ALG9: variants seen among roughly 807,000 people sequenced by gnomAD.
The protein encoded by ALG9 is ALG9 alpha-1,2-mannosyltransferase.
ALG9 carries 55 observed loss-of-function variants against 81.8 expected under a neutral mutation model. That is an observed-to-expected ratio of 0.67 (90% CI 0.54 to 0.84). The LOEUF (loss-of-function observed/expected upper bound fraction) is 0.84. Among genes scored for constraint, ALG9 ranks in the 40% least tolerant of loss-of-function variants. ALG9 has a pLI of 0.00. For missense variants in ALG9, 629 were observed against 745.0 expected (o/e 0.84, Z 1.81); for synonymous variants, 278 against 274.3 (o/e 1.01, Z -0.13).
intron 14 of ALG9, chr11:111,798,152 G>T: frequency 3.8e-6 from 1 of 260,096 alleles, no homozygotes; most frequent in South Asian, 3.4e-5. Flanking sequence ...GCAGTGAACA[G>T]AGATTGTGTC....
downstream of ALG9, among the ~76,000 whole-genome samples, chr11:111,780,141 G>C (rs1431664435): frequency 6.6e-6 from 1 of 152,124 alleles, no homozygotes; most frequent in Admixed American, 6.5e-5. Flanking sequence ...CCTCACACCT[G>C]GAGGAGAGGC....
At position 111,788,264 on chromosome 11, in the gene ALG9, C is replaced by T. The variant is rs372753111; in HGVS notation, c.1734-1744G>A. ...AATGACACTGTGCTTGGCATGCACA[C>T]CTCTTAGAGATTCTTCCCAACTAGG... On this transcript the variant is annotated intron_variant, in intron 14 of 14. Transcript: ENST00000616540. Among the ~76,000 whole-genome samples, 24 of 152,332 alleles carry T rather than the reference C, an allele frequency of 1.6e-4. No homozygotes were observed. In the South Asian group the frequency reaches 4.8e-3, roughly 30 times the overall value.
At chr11:111,835,352 T>C (rs1555116498) in intron 13 of ALG9, among the ~76,000 whole-genome samples, 2 of 152,212 alleles carry the variant, frequency 1.3e-5, no homozygotes, top group African/African-American at 4.8e-5. Flanking sequence ...GTCAAAAGTG[T>C]CATCTTTCAA....
At chr11:111,805,564 T>G (rs757280536) in intron 14 of ALG9, among the ~76,000 whole-genome samples, 25 of 152,222 alleles carry the variant, frequency 1.6e-4, no homozygotes, top group Non-Finnish European at 3.4e-4. Flanking sequence ...ATGAAAAGCC[T>G]ATATGCTGTA....
In ALG9 at chr11:111,787,219, T is replaced by C. The variant is rs544812136; in HGVS notation, c.1734-699A>G. On this transcript the variant is annotated intron_variant, in intron 14 of 14. Coordinates refer to ENST00000616540, the MANE Select transcript of ALG9 (RefSeq NM_024740.2). Reference sequence around the variant, plus strand: ...GCCGAGGCAGGCAGATCATTTGAGGTCAGGAGTTCGAGACCAGCCAGACCA... The same window carrying C: ...GCCGAGGCAGGCAGATCATTTGAGGCCAGGAGTTCGAGACCAGCCAGACCA... 2.6e-5 allele frequency among the ~76,000 whole-genome samples: 4 copies of C among 152,072 alleles called. No individual in the cohort carries two copies. The South Asian group carries it at 8.3e-4, about 32-fold the overall frequency.
intron 13 of ALG9, among the ~76,000 whole-genome samples, chr11:111,816,041 A>AT (rs1362549589): frequency 4.6e-5 from 7 of 152,226 alleles, no homozygotes; most frequent in Non-Finnish European, 1.0e-4. Flanking sequence ...CCACCAAATG[A>AT]TATCAAAATA....
At chr11:111,866,632 T>C (rs1330331559) in intron 3 of ALG9, among the ~76,000 whole-genome samples, 2 of 151,672 alleles carry the variant, frequency 1.3e-5, no homozygotes, top group African/African-American at 4.8e-5. Context: ...TGCACATCAG[T>C]GATGTAACAG....
In ALG9 at chr11:111,783,402, G is replaced by A. The variant is rs1384583956; in HGVS notation, c.*2995C>T. On this transcript the variant is annotated 3_prime_UTR_variant, in exon 15 of 15. Transcript: ENST00000616540. ...GAACCCGGGAGACAGAGGTTGCAGT[G>A]AGCTGAGGTCGTGCCATTGTGTTCC... The A allele has an allele frequency of 6.6e-6, 1 of 152,398 alleles. No homozygotes were observed. The highest frequency in any genetic ancestry group is 1.5e-5 in the Non-Finnish European group (1 of 68,314). The allele number at this position is 152,398 out of a possible 1,614,324, so 9.4% of individuals were successfully genotyped here.
chr11:111,869,118 T>TA (rs1400039430), intron 2 of ALG9, among the ~76,000 whole-genome samples: 1 of 152,144 alleles, frequency 6.6e-6, no homozygotes, highest in African/African-American at 2.4e-5. Flanking sequence ...AATTGATGGA[T>TA]AAAAAAGGAA....
chr11:111,806,058 C>T (rs1274128248), intron 14 of ALG9, among the ~76,000 whole-genome samples: 6 of 152,058 alleles, frequency 3.9e-5, no homozygotes, highest in African/African-American at 1.4e-4. Flanking sequence ...CAGGGTTTCG[C>T]TATGTTAGCC....
downstream of ALG9, chr11:111,778,326 A>G (rs1205785911): frequency 6.6e-6 from 1 of 152,250 alleles, no homozygotes; most frequent in Non-Finnish European, 1.5e-5. Context: ...TGCCAAAATT[A>G]TAGTCATTCA....
intron 14 of ALG9, among the ~76,000 whole-genome samples, chr11:111,791,118 C>T (rs563507321): frequency 2.9e-4 from 44 of 152,216 alleles, no homozygotes; most frequent in Middle Eastern, 3.4e-3. Flanking sequence ...TAAAGGAAAC[C>T]TTTGATTTTC....
chr11:111,839,992 G>T (rs371303802), intron 10 of ALG9, among the ~76,000 whole-genome samples: 12 of 152,200 alleles, frequency 7.9e-5, no homozygotes, highest in African/African-American at 2.2e-4. Context: ...CAGGGTTTTT[G>T]ATCTAAAACT....
chr11:111,815,072 C>T (rs1476606065), intron 13 of ALG9, among the ~76,000 whole-genome samples: 1 of 152,070 alleles, frequency 6.6e-6, no homozygotes, highest in Non-Finnish European at 1.5e-5. Context: ...GTGTCGGGTA[C>T]AAGGCCTACC....
the ALG9 span, among the ~76,000 whole-genome samples, chr11:111,774,069 TAAAAAAAAAAA>T: frequency 1.4e-5 from 1 of 69,734 alleles, no homozygotes; most frequent in African/African-American, 5.9e-5. Flanking sequence ...CATATCTTAT[TAAAAAAAAAAA>T]AAAAAAAAAA....
At chr11:111,848,543 T>A (rs1216327210) in intron 8 of ALG9, among the ~76,000 whole-genome samples, 1 of 136,076 alleles carries the variant, frequency 7.3e-6, no homozygotes, top group East Asian at 2.1e-4. Flanking sequence ...GGAGTCGAGG[T>A]CACCCCACTG....
At position 111,838,853 on chromosome 11, in the gene ALG9, C is replaced by T. The variant is rs561982984; in HGVS notation, c.1174-454G>A. 2.6e-5 allele frequency among the ~76,000 whole-genome samples: 4 copies of T among 152,126 alleles called. No individual in the cohort carries two copies. The South Asian group carries it at 6.2e-4, about 24-fold the overall frequency. The stretch of plus-strand genomic sequence containing the variant: ...CCCCTTATAGAACACTAGGAACATG[C>T]TCTTAATTATATGCTGAATGACTTT... On this transcript the variant is annotated intron_variant, in intron 10 of 14. Coordinates refer to ENST00000616540, the MANE Select transcript of ALG9 (RefSeq NM_024740.2).
Position 111,867,628 on chromosome 11 carries a change from GAAGAA to G in ALG9, c.405+969_405+973del, listed in dbSNP as rs1252503214. 2.0e-5 allele frequency among the ~76,000 whole-genome samples: 3 copies of G among 152,170 alleles called. No individual in the cohort carries two copies. In the East Asian group the frequency reaches 5.8e-4, roughly 29 times the overall value. ...GAAAGAATCAGTGAAGTGGAAGACA[GAAGAA>G]AAGAAATTACTCAATGTGAACAACA... On this transcript the variant is annotated intron_variant, in intron 3 of 14. Coordinates refer to ENST00000616540, the MANE Select transcript of ALG9 (RefSeq NM_024740.2).
downstream of ALG9, among the ~76,000 whole-genome samples, chr11:111,780,484 C>T (rs959896245): frequency 6.6e-6 from 1 of 151,566 alleles, no homozygotes; most frequent in Admixed American, 6.6e-5. Flanking sequence ...GCAACCTCCA[C>T]CTCCTGGGTT....
Sources: gnomAD v4.1 joint callset for allele counts (sites outside exome capture counted in the v4.1 genomes callset) on GRCh38, gnomAD v4.1.1 for gene constraint, MANE v1.5 for transcripts, NCBI Gene and HGNC (gene_info 2026-07-23, HGNC 2026-07-21) for gene names.